Variants in CSTA observed in about 807,000 individuals in gnomAD.
CSTA encodes cystatin A, also known as cystatin-A.
A neutral mutation model predicts 9.2 loss-of-function variants in CSTA; 9 were observed. That is an observed-to-expected ratio of 0.97 (90% CI 0.59 to 1.70). CSTA has a LOEUF of 1.70. Among genes scored for constraint, CSTA ranks in the 40% most tolerant of loss-of-function variants. The pLI, the probability that CSTA is intolerant of heterozygous loss-of-function variation, is 0.00. For synonymous variants in CSTA, 36 were observed against 40.6 expected, an observed-to-expected ratio of 0.89 and a Z score of 0.43; for missense variants, 118 against 113.1, an observed-to-expected ratio of 1.04 and a Z score of -0.20.
intron 1 of CSTA, among the ~76,000 whole-genome samples, chr3:122,329,858 G>A (rs2075194010): frequency 6.6e-6 from 1 of 152,160 alleles, no homozygotes; most frequent in African/African-American, 2.4e-5. Context: ...TTCCTTTCAG[G>A]TGAATAATTA....
chr3:122,338,967 C>G (rs1325300240), intron 2 of CSTA, among the ~76,000 whole-genome samples: 1 of 152,140 alleles, frequency 6.6e-6, no homozygotes, highest in Non-Finnish European at 1.5e-5. Context: ...TTTCTTCCTT[C>G]TGCTATCAAA....
At chr3:122,339,748 G>C (rs2075255042) in intron 2 of CSTA, among the ~76,000 whole-genome samples, 1 of 152,190 alleles carries the variant, frequency 6.6e-6, no homozygotes, top group Non-Finnish European at 1.5e-5. Context: ...CTAGCTACTT[G>C]GGAAGCTGAG....
chr3:122,329,020 C>T (rs911178504), intron 1 of CSTA, among the ~76,000 whole-genome samples: 1 of 149,128 alleles, frequency 6.7e-6, no homozygotes, highest in Non-Finnish European at 1.5e-5. Context: ...GGCTGGAGTG[C>T]GGTGGCACGG....
intron 1 of CSTA, among the ~76,000 whole-genome samples, chr3:122,329,320 T>C (rs2075189921): frequency 6.6e-6 from 1 of 150,530 alleles, no homozygotes; most frequent in African/African-American, 2.4e-5. Context: ...TCGGCTGTAA[T>C]CCCAGCACTT....
In CSTA at chr3:122,327,397, C is replaced by T. The variant is rs540183122; in HGVS notation, c.66+2039C>T. ...TACAAAAATCAGCTTGGCGTGGTGG[C>T]GGGCGCCTGTAGTCCCAGCTACTCG... On this transcript the variant is annotated intron_variant, in intron 1 of 2. Transcript: ENST00000264474. Among the ~76,000 whole-genome samples, 8 of 151,166 alleles carry T rather than the reference C, an allele frequency of 5.3e-5. No homozygotes were observed. The South Asian group carries it at 1.5e-3, about 28-fold the overall frequency.
rs770816722 is a variant in CSTA at position 122,325,304 on chromosome 3, A to C, written c.12A>C (p.Gly4=). The change falls in exon 1 of 3, where the codon GGA becomes GGC. Residue 4 remains glycine, a synonymous_variant. Transcript: ENST00000264474. ...AGCAATCAGCCAAAATGATACCTGG[A>C]GGCTTATCTGAGGCCAAACCCGCCA... The part of the protein sequence containing the change: MIP[G]GLSEAKPATP... The C allele has an allele frequency of 1.9e-6, 3 of 1,613,416 alleles. No individual in the cohort carries two copies. Among genetic ancestry groups the C allele is most frequent in the South Asian group, 2.2e-5 (2 of 91,066 alleles).
At chr3:122,326,705 G>A (rs1339809474) in intron 1 of CSTA, among the ~76,000 whole-genome samples, 1 of 152,186 alleles carries the variant, frequency 6.6e-6, no homozygotes, top group African/African-American at 2.4e-5. Context: ...TATTAAGTCA[G>A]TAATGTCTTC....
At chr3:122,336,135 G>A (rs2075236266) in intron 1 of CSTA, among the ~76,000 whole-genome samples, 1 of 152,138 alleles carries the variant, frequency 6.6e-6, no homozygotes, top group Non-Finnish European at 1.5e-5. Flanking sequence ...CACTGAGTGG[G>A]CCTAGAAGCA....
chr3:122,336,774 G>C (rs1044658720), intron 1 of CSTA, among the ~76,000 whole-genome samples: 1 of 152,168 alleles, frequency 6.6e-6, no homozygotes, highest in Non-Finnish European at 1.5e-5. Context: ...GTAATGAAAC[G>C]TAGCTCCTGA....
intron 1 of CSTA, among the ~76,000 whole-genome samples, chr3:122,329,857 G>A (rs2075193994): frequency 6.6e-6 from 1 of 152,164 alleles, no homozygotes; most frequent in Admixed American, 6.5e-5. Context: ...CTTCCTTTCA[G>A]GTGAATAATT....
At chr3:122,333,192 G>A (rs553932220) in intron 1 of CSTA, among the ~76,000 whole-genome samples, 1 of 152,254 alleles carries the variant, frequency 6.6e-6, no homozygotes, top group Non-Finnish European at 1.5e-5. Context: ...TTAAAGATTT[G>A]GATATATTTC....
Position 122,341,564 on chromosome 3 carries a change from T to C in CSTA, c.294T>C (p.Phe98=), listed in dbSNP as rs760177794. The change falls in exon 3 of 3, where the codon TTT becomes TTC. Residue 98 remains phenylalanine (F), a synonymous_variant. Coordinates refer to ENST00000264474, the MANE Select transcript of CSTA (RefSeq NM_005213.4). ...DKNKDDELTG[F] The stretch of plus-strand genomic sequence containing the variant: ...ACAAGGATGACGAGCTGACGGGCTT[T>C]TAGCAGCATGTACCCAAAGTGTTCT... 6.2e-7 allele frequency: 1 copy of C among 1,614,182 alleles called. No homozygotes were observed. The highest frequency in any genetic ancestry group is 2.2e-5 in the East Asian group (1 of 44,886).
At chr3:122,335,088 G>T (rs2075228871) in intron 1 of CSTA, among the ~76,000 whole-genome samples, 1 of 152,210 alleles carries the variant, frequency 6.6e-6, no homozygotes, top group South Asian at 2.1e-4. Flanking sequence ...GCCCAGCTGA[G>T]AGTGGGAATG....
intron 1 of CSTA, among the ~76,000 whole-genome samples, chr3:122,335,542 G>C (rs1342936948): frequency 6.6e-6 from 1 of 152,166 alleles, no homozygotes; most frequent in Non-Finnish European, 1.5e-5. Context: ...TTCTTCCTCA[G>C]TGTTTGAGAA....
chr3:122,333,421 G>A lies in CSTA; in HGVS notation c.67-4126G>A, dbSNP rs533456002. Reference sequence around the variant, plus strand: ...AGCTACTCATGAGGCTGAGGCAGGAGAATTGCTTAAACCCAGGAGGGAGAG... The same window carrying A: ...AGCTACTCATGAGGCTGAGGCAGGAAAATTGCTTAAACCCAGGAGGGAGAG... On this transcript the variant is annotated intron_variant, in intron 1 of 2. Transcript: ENST00000264474. 2.6e-5 allele frequency among the ~76,000 whole-genome samples: 4 copies of A among 152,146 alleles called. No homozygotes were observed. The South Asian group carries it at 8.3e-4, about 32-fold the overall frequency.
At chr3:122,335,596 G>C (rs573103148) in intron 1 of CSTA, among the ~76,000 whole-genome samples, 42 of 151,380 alleles carry the variant, frequency 2.8e-4, no homozygotes, top group Middle Eastern at 3.4e-3. Flanking sequence ...TGAGTCCTGT[G>C]GTATTTGATT....
Position 122,337,575 on chromosome 3 carries a change from A to G in CSTA, c.95A>G (p.Asn32Ser), listed in dbSNP as rs757972170. The stretch of plus-strand genomic sequence containing the variant: ...AAACCACAGCTTGAAGAAAAAACAA[A>G]TGAGACTTACGGAAAATTGGAAGCT... The part of the protein sequence containing the change: ...KVKPQLEEKT[N>S]ETYGKLEAVQ... Residue 32 changes from asparagine (N) to serine (S), a missense_variant, in exon 2 of 3, where the codon AAT (asparagine) becomes AGT (serine). Transcript: ENST00000264474. 6.2e-7 allele frequency: 1 copy of G among 1,613,022 alleles called. No homozygotes were observed. The highest frequency in any genetic ancestry group is 1.7e-5 in the Admixed American group (1 of 60,026).
chr3:122,333,531 G>C lies in CSTA; in HGVS notation c.67-4016G>C, dbSNP rs1576892289. ...ATGAAAGAGAGAGAGAAGAAAGAAA[G>C]AAAAGAAAGAAGAAAGAAAGAAAGA... On this transcript the variant is annotated intron_variant, in intron 1 of 2. Coordinates refer to ENST00000264474, the MANE Select transcript of CSTA (RefSeq NM_005213.4). Among the ~76,000 whole-genome samples, 5 of 87,210 alleles carry C rather than the reference G, an allele frequency of 5.7e-5. No homozygotes were observed. In the South Asian group the frequency reaches 2.0e-3, roughly 35 times the overall value. 57.2% of individuals were successfully genotyped at this position (87,210 alleles called of 152,430 possible).
intron 2 of CSTA, among the ~76,000 whole-genome samples, chr3:122,338,456 A>C (rs1275053667): frequency 1.3e-5 from 2 of 151,584 alleles, no homozygotes; most frequent in Non-Finnish European, 2.9e-5. Context: ...CTCTTTAACA[A>C]ATATTTCTAT....
Sources: allele counts gnomAD v4.1 joint callset (sites outside exome capture counted in the v4.1 genomes callset), GRCh38; gene constraint gnomAD v4.1.1; transcripts MANE v1.5; gene names NCBI Gene and HGNC (gene_info 2026-07-23, HGNC 2026-07-21).